The following XG variants were observed in gnomAD, a reference collection of about 807,000 sequenced individuals.
The protein encoded by XG is glycoprotein Xg.
In XG, 24 loss-of-function variants were observed where a neutral mutation model predicts 25.7. That is an observed-to-expected ratio of 0.93 (90% CI 0.68 to 1.31). XG has a LOEUF of 1.31. XG is among the 40% of genes most tolerant of loss of function. XG has a pLI of 0.00. For synonymous variants in XG, 77 were observed against 69.2 expected (o/e 1.11, Z -0.56); for missense variants, 181 against 187.6 (o/e 0.96, Z 0.21).
In XG at chrX:2,752,122, G is replaced by A. The variant is rs2050342053; in HGVS notation, c.-153G>A. 7.3e-7 allele frequency: 1 copy of A among 1,362,246 alleles called. No homozygotes were observed. The highest frequency in any genetic ancestry group is 1.5e-5 in the African/African-American group (1 of 68,910). The allele number at this position is 1,362,246 out of a possible 1,614,324, so 84.4% of individuals were successfully genotyped here. A position where few individuals can be genotyped will look rare whatever the true frequency, so the allele number is the denominator to read the frequency against. ...CTGAGCTTGGAGCCCATTTGTTTCT[G>A]GCAGTTCCGCTCATATTTTCCACTT... On this transcript the variant is annotated 5_prime_UTR_variant, in exon 1 of 11. Transcript: ENST00000644266.
At chrX:2,784,343 T>C (rs1038760936) in intron 4 of XG, among the ~76,000 whole-genome samples, 19 of 110,456 alleles carry the variant, frequency 1.7e-4, no homozygotes, top group Admixed American at 5.8e-4. Context: ...AGTACTTTGG[T>C]AGACCGAGGC....
At chrX:2,767,135 C>T (rs1184716821) in intron 1 of XG, among the ~76,000 whole-genome samples, 4 of 152,026 alleles carry the variant, frequency 2.6e-5, no homozygotes, top group Non-Finnish European at 5.9e-5. Flanking sequence ...AGGTCTGAAT[C>T]AACATAAAGA....
chrX:2,753,037 G>A, intron 1 of XG: 1 of 935,900 alleles, frequency 1.1e-6, no homozygotes, highest in South Asian at 4.9e-5. Context: ...GGCGATTTCA[G>A]AGAAGGGAAC....
intron 1 of XG, among the ~76,000 whole-genome samples, chrX:2,760,020 G>A (rs1347524042): frequency 3.3e-5 from 5 of 152,136 alleles, no homozygotes; most frequent in Non-Finnish European, 7.3e-5. Flanking sequence ...GCATGGAGGC[G>A]TGTGCCTGTA....
chrX:2,762,458 C>A (rs1438262407), intron 1 of XG, among the ~76,000 whole-genome samples: 2 of 151,950 alleles, frequency 1.3e-5, no homozygotes, highest in East Asian at 1.9e-4. Context: ...TGCACCAGGG[C>A]GGCCTGCTCA....
intron 1 of XG, among the ~76,000 whole-genome samples, chrX:2,761,136 C>A (rs2050556852): frequency 6.6e-6 from 1 of 152,134 alleles, no homozygotes; most frequent in Non-Finnish European, 1.5e-5. Context: ...ATCCCTAGGA[C>A]CTCAGAACAT....
At position 2,811,329 on chromosome X, in the gene XG, C is replaced by G; in HGVS notation, c.455-7C>G. On this transcript the variant is annotated splice_region_variant and splice_polypyrimidine_tract_variant and intron_variant, in intron 9 of 10. Coordinates refer to ENST00000644266, the MANE Select transcript of XG (RefSeq NM_001141919.2). ...CGGATGAGCTTGCTTTTTCTCCACT[C>G]CTGCAGGCAATATGGTAGCAAAAAT... 8.4e-7 allele frequency: 1 copy of G among 1,196,399 alleles called. No individual in the cohort carries two copies. Among genetic ancestry groups the G allele is most frequent in the Non-Finnish European group, 1.1e-6 (1 of 885,055 alleles).
chrX:2,806,147 C>A (rs1482594322), intron 7 of XG, among the ~76,000 whole-genome samples: 1 of 110,561 alleles, frequency 9.0e-6, no homozygotes, highest in African/African-American at 3.3e-5. Flanking sequence ...TTGCCTCAGT[C>A]GTCTCCCAAG....
At chrX:2,782,696 G>A (rs2086742663) in intron 4 of XG, among the ~76,000 whole-genome samples, 1 of 111,452 alleles carries the variant, frequency 9.0e-6, no homozygotes, top group African/African-American at 3.3e-5. Flanking sequence ...TCCATCCAGT[G>A]CAGAGGCTGC....
At chrX:2,788,772 T>C (rs2086808548) in intron 4 of XG, among the ~76,000 whole-genome samples, 1 of 110,110 alleles carries the variant, frequency 9.1e-6, no homozygotes, top group South Asian at 4.0e-4. Flanking sequence ...GGAGAATTGT[T>C]TGAACCCAGG....
chrX:2,811,091 A>G (rs1329994114), intron 9 of XG, among the ~76,000 whole-genome samples: 1 of 104,817 alleles, frequency 9.5e-6, no homozygotes, highest in African/African-American at 3.6e-5. Flanking sequence ...GTGAAAACAG[A>G]ATTACTTCCT....
At chrX:2,793,505 G>A (rs765067268) in intron 5 of XG, among the ~76,000 whole-genome samples, 4 of 112,156 alleles carry the variant, frequency 3.6e-5, no homozygotes, top group African/African-American at 1.3e-4. Context: ...AATGAGGCTT[G>A]CAAAGCAGCC....
chrX:2,786,296 A>T (rs2086784082), intron 4 of XG, among the ~76,000 whole-genome samples: 1 of 65,852 alleles, frequency 1.5e-5, no homozygotes, highest in African/African-American at 7.1e-5. Context: ...GTCTCACTGT[A>T]TTGCTCAGGC....
chrX:2,754,385 C>T (rs1479755613), intron 1 of XG, among the ~76,000 whole-genome samples: 1 of 152,202 alleles, frequency 6.6e-6, no homozygotes, highest in Non-Finnish European at 1.5e-5. Flanking sequence ...CAGGCATCAG[C>T]CACCATACCC....
At chrX:2,798,752 C>T (rs868685412) in intron 7 of XG, among the ~76,000 whole-genome samples, 1 of 110,968 alleles carries the variant, frequency 9.0e-6, no homozygotes, top group African/African-American at 3.3e-5. Context: ...GTGATCCGCC[C>T]TCTTCAGCCT....
At chrX:2,806,785 T>C in intron 8 of XG, 40 bp downstream of exon 8, 1 of 1,057,131 alleles carries the variant, frequency 9.5e-7, no homozygotes, top group Non-Finnish European at 1.3e-6. Flanking sequence ...GAGGCAAAAC[T>C]GTCCATTTGC....
chrX:2,762,315 C>T (rs1256243712), intron 1 of XG, among the ~76,000 whole-genome samples: 1 of 152,156 alleles, frequency 6.6e-6, no homozygotes, highest in Non-Finnish European at 1.5e-5. Context: ...TCTAATAGAG[C>T]TTCAATCTGC....
At chrX:2,796,468 A>ATGTGTGTGTG (rs200727930) in intron 6 of XG, among the ~76,000 whole-genome samples, 3,845 of 95,901 alleles carry the variant, frequency 0.04, 170 homozygotes, top group African/African-American at 0.13. Context: ...ATTTAGGTAT[A>ATGTGTGTGTG]TGTGTGTGTG....
At chrX:2,804,938 C>T (rs1349705442) in intron 7 of XG, among the ~76,000 whole-genome samples, 2 of 112,429 alleles carry the variant, frequency 1.8e-5, no homozygotes, top group African/African-American at 6.4e-5. Context: ...AGGCACAGCC[C>T]AGTTTTGGGA....
Sources: gnomAD v4.1 joint callset for allele counts (sites outside exome capture counted in the v4.1 genomes callset) on GRCh38, gnomAD v4.1.1 for gene constraint, MANE v1.5 for transcripts, NCBI Gene and HGNC (gene_info 2026-07-23, HGNC 2026-07-21) for gene names.